The following PAPLN variants were observed in gnomAD, a reference collection of about 807,000 sequenced individuals.
The protein encoded by PAPLN is papilin.
PAPLN carries 146 observed loss-of-function variants against 159.0 expected under a neutral mutation model. The ratio of observed to expected loss-of-function variants is 0.92; its 90% CI spans 0.80 to 1.05. The LOEUF is 1.05. Ranked by LOEUF, PAPLN falls within the 50% of genes least tolerant of loss-of-function variation. The pLI is 0.00. For synonymous variants in PAPLN, 734 were observed against 702.9 expected (o/e 1.04, Z -0.70); for missense variants, 1,720 against 1,743.9 (o/e 0.99, Z 0.24).
At chr14:73,263,381 A>G in intron 19 of PAPLN, 3 of 562,602 alleles carry the variant, frequency 5.3e-6, no homozygotes, top group Non-Finnish European at 9.5e-6. Flanking sequence ...ACCTCTCCCC[A>G]CCCCTTGGGC....
chr14:73,253,192 C>T (rs772775871), intron 11 of PAPLN: 9 of 1,361,274 alleles, frequency 6.6e-6, no homozygotes, highest in African/African-American at 5.9e-5. Flanking sequence ...TGGAGCGTGG[C>T]GCCTTGCTGG....
upstream of PAPLN, among the ~76,000 whole-genome samples, chr14:73,236,812 G>A (rs147031073): frequency 0.046 from 6,237 of 136,922 alleles, 197 homozygotes; most frequent in Middle Eastern, 0.11. Context: ...GTGAAACTCC[G>A]TCTAAAAAAA....
At chr14:73,258,299 A>G (rs765005413) in intron 14 of PAPLN, among the ~76,000 whole-genome samples, 2 of 152,060 alleles carry the variant, frequency 1.3e-5, no homozygotes, top group Non-Finnish European at 2.9e-5. Context: ...GTATCTTTTT[A>G]CGTGTTTGTT....
chr14:73,241,893 C>A (rs951273804), intron 2 of PAPLN, among the ~76,000 whole-genome samples: 1 of 152,250 alleles, frequency 6.6e-6, no homozygotes, highest in African/African-American at 2.4e-5. Context: ...GCAGTTGATT[C>A]CCCTGGAAAC....
In PAPLN at chr14:73,259,008, C is replaced by T. The variant is rs1886246783; in HGVS notation, c.1657C>T (p.Pro553Ser). 6 of 1,612,658 alleles carry T rather than the reference C, an allele frequency of 3.7e-6. No individual in the cohort carries two copies. The highest frequency in any genetic ancestry group is 1.7e-5 in the Admixed American group (1 of 59,834). Reference sequence around the variant, plus strand: ...CCCCAGCATGCAGGATGTGCACACCCCTGCCAGCAACCCCTGGATGCCGTT... The same window carrying T: ...CCCCAGCATGCAGGATGTGCACACCTCTGCCAGCAACCCCTGGATGCCGTT... The part of the protein sequence containing the change: ...EVPSMQDVHT[P>S]ASNPWMPLGP... Residue 553 changes from proline to serine, a missense_variant, in exon 15 of 27, where the codon CCT becomes TCT. Pro to Ser is a moderately conservative substitution (Grantham distance 74). Transcript: ENST00000644200.
rs987028757 is a variant in PAPLN, at chr14:73,244,694, G to C, written c.105G>C (p.Trp35Cys). Residue 35 changes from tryptophan (W) to cysteine (C), a missense_variant, in exon 3 of 27, where the codon TGG (tryptophan) becomes TGC (cysteine). Coordinates refer to ENST00000644200, the MANE Select transcript of PAPLN (RefSeq NM_001365906.3). ...QSDTWGPWSQ[W>C]SPCSRTCGGG... ...ACACCTGGGGACCCTGGAGCCAGTG[G>C]AGCCCCTGCAGCCGGACCTGTGGAG... The C allele has an allele frequency of 1.3e-5, 21 of 1,599,138 alleles. No homozygotes were observed. Among genetic ancestry groups the C allele is most frequent in the Non-Finnish European group, 1.8e-5 (21 of 1,173,458 alleles).
In PAPLN at chr14:73,264,258, C is replaced by T. The variant is rs766488854; in HGVS notation, c.2909C>T (p.Ala970Val). 1.2e-6 allele frequency: 2 copies of T among 1,614,012 alleles called. No homozygotes were observed. The highest frequency in any genetic ancestry group is 1.7e-6 in the Non-Finnish European group (2 of 1,180,020). ...TCCCTGATCATCCACCCCCTGCAGG[C>T]AGAGGACGCGGGCACCTACAGCTGT... is the stretch of plus-strand genomic sequence containing the variant. ...DGSLIIHPLQ[A>V]EDAGTYSCGS... The change falls in exon 21 of 27, where the codon GCA (alanine) becomes GTA (valine). Residue 970 changes from alanine (A) to valine (V), a missense_variant. Transcript: ENST00000644200.
rs1885053491 is a variant in PAPLN, at chr14:73,250,018, G to A, written c.369G>A (p.Lys123=). The A allele has an allele frequency of 6.2e-7, 1 of 1,612,396 alleles. No individual in the cohort carries two copies. The highest frequency in any genetic ancestry group is 8.5e-7 in the Non-Finnish European group (1 of 1,179,330). Residue 123 remains lysine, a synonymous_variant, in exon 6 of 27, where the codon AAG becomes AAA. Coordinates refer to ENST00000644200, the MANE Select transcript of PAPLN (RefSeq NM_001365906.3). The part of the protein sequence containing the change: ...PNKCELNCIP[K]GENFYYKHRE... The stretch of plus-strand genomic sequence containing the variant: ...AGTGTGAACTGAACTGCATTCCCAA[G>A]GGGGAGAACTTCTACTACAAGCACA...
rs1218524485 is a variant in PAPLN at position 73,245,620 on chromosome 14, T to A, written c.171-16T>A. ...TTGGGTCTCGGTCAGGTCTTCCCGGTGCTCTGGTCCCGCAGGAGAGATGGA... is the reference window on the plus strand; with the variant it reads ...TTGGGTCTCGGTCAGGTCTTCCCGGAGCTCTGGTCCCGCAGGAGAGATGGA... On this transcript the variant is annotated splice_polypyrimidine_tract_variant and intron_variant, in intron 3 of 26. Coordinates refer to ENST00000644200, the MANE Select transcript of PAPLN (RefSeq NM_001365906.3). The surrounding 1 kb of genome is among the most constrained non-coding windows in gnomAD (Gnocchi z 4.2). 1.3e-6 allele frequency: 2 copies of A among 1,554,480 alleles called. No homozygotes were observed.
At chr14:73,266,873 A>C in intron 25 of PAPLN, 42 bp downstream of exon 25, 1 of 1,546,472 alleles carries the variant, frequency 6.5e-7, no homozygotes, top group Non-Finnish European at 8.8e-7. Flanking sequence ...CCAGACCTTC[A>C]CAACCTCAGG....
At position 73,253,857 on chromosome 14, in the gene PAPLN, G is replaced by A. The variant is rs1885589450; in HGVS notation, c.1198G>A (p.Ala400Thr). 6.2e-7 allele frequency: 1 copy of A among 1,613,660 alleles called. No homozygotes were observed. Among genetic ancestry groups the A allele is most frequent in the African/African-American group, 1.3e-5 (1 of 75,052 alleles). ...GTCTGACGGGGCCGGCATCCAGGAGGCCGTGGAGGAGGCTGAGTGTGCCGG... is the reference window on the plus strand; with the variant it reads ...GTCTGACGGGGCCGGCATCCAGGAGACCGTGGAGGAGGCTGAGTGTGCCGG... Reference protein sequence around the residue: ...ISSDGAGIQEAVEEAECAGLP... With the variant: ...ISSDGAGIQETVEEAECAGLP... Residue 400 changes from alanine (A) to threonine (T), a missense_variant, in exon 12 of 27, where the codon GCC becomes ACC. Ala to Thr is a moderately conservative substitution (Grantham distance 58). Coordinates refer to ENST00000644200, the MANE Select transcript of PAPLN (RefSeq NM_001365906.3).
At chr14:73,271,777 G>A (rs575867771) in intron 26 of PAPLN, among the ~76,000 whole-genome samples, 210 of 152,322 alleles carry the variant, frequency 1.4e-3, no homozygotes, top group African/African-American at 4.7e-3. Flanking sequence ...TGGGATTACA[G>A]GCATGAGCCA....
chr14:73,255,154 C>T (rs1383651836), intron 14 of PAPLN, 136 bp downstream of exon 14: 17 of 1,280,458 alleles, frequency 1.3e-5, no homozygotes, highest in Non-Finnish European at 1.8e-5. Flanking sequence ...CCCATGTCTC[C>T]CCCCGCTGAA....
In PAPLN at chr14:73,252,105, G is replaced by A. The variant is rs551292708; in HGVS notation, c.931G>A (p.Gly311Ser). The change falls in exon 10 of 27, where the codon GGC (glycine) becomes AGC (serine). Residue 311 changes from glycine (G) to serine (S), a missense_variant. Coordinates refer to ENST00000644200, the MANE Select transcript of PAPLN (RefSeq NM_001365906.3). ...CAGCCCCGGCTTCAGCTGGAGCCACGGCTCATGGAGTGACTGCAGCGCGGA... is the reference window on the plus strand; with the variant it reads ...CAGCCCCGGCTTCAGCTGGAGCCACAGCTCATGGAGTGACTGCAGCGCGGA... ...RPSPGFSWSH[G>S]SWSDCSAECG... 21 of 1,610,074 alleles carry A rather than the reference G, an allele frequency of 1.3e-5. No individual in the cohort carries two copies. Among genetic ancestry groups the A allele is most frequent in the East Asian group, 1.1e-4 (5 of 44,800 alleles).
At chr14:73,264,774 G>C in intron 22 of PAPLN, 48 bp downstream of exon 22, 1 of 1,607,252 alleles carries the variant, frequency 6.2e-7, no homozygotes, top group Non-Finnish European at 8.5e-7. Context: ...CCAGGGCCAG[G>C]GCCGGGGGTC....
chr14:73,253,672 T>G, intron 11 of PAPLN, 82 bp from the exon 12 acceptor site: 1 of 1,341,558 alleles, frequency 7.5e-7, no homozygotes, highest in Non-Finnish European at 1.0e-6. Flanking sequence ...AGGCCACCTG[T>G]GTGAGTGAGG....
chr14:73,243,681 C>T (rs981553224), intron 2 of PAPLN: 1 of 152,226 alleles, frequency 6.6e-6, no homozygotes, highest in African/African-American at 2.4e-5. Context: ...CATGTGGATT[C>T]CTGATGCCAG....
At chr14:73,271,920 T>C (rs978616475) in intron 26 of PAPLN, among the ~76,000 whole-genome samples, 3 of 152,344 alleles carry the variant, frequency 2.0e-5, no homozygotes, top group African/African-American at 7.2e-5. Context: ...TTAACAGGAC[T>C]GTTTTCCTAT....
intron 16 of PAPLN, among the ~76,000 whole-genome samples, chr14:73,260,144 C>T (rs928895374): frequency 2.0e-5 from 3 of 152,198 alleles, no homozygotes; most frequent in African/African-American, 7.2e-5. Flanking sequence ...GGCCACGTGA[C>T]TTAACCTCTC....
Sources: allele counts gnomAD v4.1 joint callset (sites outside exome capture counted in the v4.1 genomes callset), GRCh38; gene constraint gnomAD v4.1.1; non-coding constraint Gnocchi (gnomAD v3.1); transcripts MANE v1.5; gene names NCBI Gene and HGNC (gene_info 2026-07-23, HGNC 2026-07-21).